Variants in CKAP5 observed in about 807,000 individuals in gnomAD.
The protein encoded by CKAP5 is cytoskeleton-associated protein 5.
CKAP5 carries 27 observed loss-of-function variants against 232.8 expected under a neutral mutation model. That is an observed-to-expected ratio of 0.12 (90% CI 0.09 to 0.16). CKAP5 has a LOEUF of 0.16. Among genes scored for constraint, CKAP5 ranks in the 10% least tolerant of loss-of-function variants. The pLI, the probability that CKAP5 is intolerant of heterozygous loss-of-function variation, is 1.00. For synonymous variants in CKAP5, 785 were observed against 841.1 expected (o/e 0.93, Z 1.16); for missense variants, 1,838 against 2,424.7 (o/e 0.76, Z 5.08).
chr11:46,800,803 T>G (rs972884697), intron 9 of CKAP5, among the ~76,000 whole-genome samples: 83 of 152,234 alleles, frequency 5.5e-4, no homozygotes, highest in African/African-American at 1.7e-3. Context: ...CTCACAGTTT[T>G]ACATTTATAG....
intron 1 of CKAP5, among the ~76,000 whole-genome samples, chr11:46,843,892 C>A (rs116844355): frequency 6.6e-6 from 1 of 151,982 alleles, no homozygotes. Context: ...AAAACAAAAC[C>A]TGTTGATAAA....
At chr11:46,791,448 G>T (rs1039894206) in intron 13 of CKAP5, among the ~76,000 whole-genome samples, 5 of 151,898 alleles carry the variant, frequency 3.3e-5, no homozygotes, top group Admixed American at 2.6e-4. Flanking sequence ...GGAGGCTAAG[G>T]ATCCCTTGAG....
intron 4 of CKAP5, among the ~76,000 whole-genome samples, chr11:46,815,605 T>C (rs1215438541): frequency 6.6e-6 from 1 of 152,230 alleles, no homozygotes; most frequent in African/African-American, 2.4e-5. Context: ...CTGAAAAGCC[T>C]AATTCTTAAT....
In CKAP5 at chr11:46,795,756, C is replaced by T; in HGVS notation, c.1488G>A (p.Lys496=). The T allele has an allele frequency of 6.2e-7, 1 of 1,613,306 alleles. No individual in the cohort carries two copies. Among genetic ancestry groups the T allele is most frequent in the Non-Finnish European group, 8.5e-7 (1 of 1,179,768 alleles). Residue 496 remains lysine, a synonymous_variant, in exon 13 of 44, where the codon AAG becomes AAA. Transcript: ENST00000529230. ...KLDKIKECSE[K]VELIHGKKAG... ...CTTTCTTACCATGTATCAGTTCTAC[C>T]TTTTCTGAACATTCTTTGATCTGGA... is the stretch of plus-strand genomic sequence containing the variant.
At chr11:46,802,557 G>GACACACACACACACAC (rs1254439046) in intron 8 of CKAP5, among the ~76,000 whole-genome samples, 46 of 147,532 alleles carry the variant, frequency 3.1e-4, no homozygotes, top group African/African-American at 1.0e-3. Flanking sequence ...CAGACAGACA[G>GACACACACACACACAC]ACACACACAC....
At chr11:46,800,827 T>C (rs549893243) in intron 9 of CKAP5, among the ~76,000 whole-genome samples, 1 of 152,220 alleles carries the variant, frequency 6.6e-6, no homozygotes, top group Non-Finnish European at 1.5e-5. Flanking sequence ...TACATTGCCT[T>C]TCCGACTCTC....
intron 1 of CKAP5, among the ~76,000 whole-genome samples, chr11:46,823,645 T>C (rs1430314960): frequency 6.6e-6 from 1 of 152,080 alleles, no homozygotes; most frequent in African/African-American, 2.4e-5. Context: ...TGGAGTGCAG[T>C]GGTGTGATCA....
intron 22 of CKAP5, 84 bp from the exon 23 acceptor site, chr11:46,777,636 A>G (rs559152833): frequency 9.7e-6 from 8 of 826,112 alleles, no homozygotes; most frequent in South Asian, 1.5e-5. Context: ...TATACTGTCA[A>G]TACAGCAGGA....
chr11:46,811,313 C>A, intron 4 of CKAP5, 135 bp from the exon 5 acceptor site: 2 of 707,256 alleles, frequency 2.8e-6, no homozygotes, highest in Non-Finnish European at 4.4e-6. Context: ...TTTAAGGCAA[C>A]AAAAGAAAAG....
At chr11:46,748,049 G>C (rs1423622116) in intron 42 of CKAP5, among the ~76,000 whole-genome samples, 1 of 152,042 alleles carries the variant, frequency 6.6e-6, no homozygotes, top group Non-Finnish European at 1.5e-5. Flanking sequence ...GACTCTAAAA[G>C]AAACAAGGGG....
intron 1 of CKAP5, among the ~76,000 whole-genome samples, chr11:46,823,026 T>A (rs1028563644): frequency 2.6e-5 from 4 of 152,034 alleles, no homozygotes; most frequent in Admixed American, 2.0e-4. Flanking sequence ...ATGAACACGA[T>A]CTTGGCTCGC....
intron 3 of CKAP5, among the ~76,000 whole-genome samples, chr11:46,817,647 T>C (rs1163167503): frequency 6.6e-6 from 1 of 152,212 alleles, no homozygotes; most frequent in Non-Finnish European, 1.5e-5. Flanking sequence ...TATATATTTC[T>C]TGTGCAATTA....
At chr11:46,765,355 A>G (rs2134596644) in intron 27 of CKAP5, 99 bp from the exon 28 acceptor site, 1 of 1,024,548 alleles carries the variant, frequency 9.8e-7, no homozygotes, top group Non-Finnish European at 1.4e-6. Flanking sequence ...AAACAGAGAT[A>G]TCTTTCTACG....
At chr11:46,785,245 T>C (rs2065380713) in intron 16 of CKAP5, among the ~76,000 whole-genome samples, 2 of 152,332 alleles carry the variant, frequency 1.3e-5, no homozygotes, top group South Asian at 4.1e-4. Flanking sequence ...TTTTTCTTTG[T>C]ACTGTGTGAA....
rs749141121 is a variant in CKAP5, at chr11:46,795,498, A to G, written c.1650+96T>C. 9.9e-5 allele frequency: 97 copies of G among 978,540 alleles called. No individual in the cohort carries two copies. In the Admixed American group the frequency reaches 2.6e-3, roughly 26 times the overall value. The allele number at this position is 978,540 out of a possible 1,614,324, so 60.6% of individuals were successfully genotyped here. The stretch of plus-strand genomic sequence containing the variant: ...GCTGTATTTTTAATGTGGCCAATGA[A>G]TTCATTTCTCAAACAAAATAATTTT... On this transcript the variant is annotated intron_variant, in intron 13 of 43. Transcript: ENST00000529230.
rs7928445 is a variant in CKAP5 at position 46,763,147 on chromosome 11, A to C, written c.3720T>G (p.Gly1240=). 0.094 allele frequency: 151,499 copies of C among 1,611,942 alleles called. 9,954 individuals are homozygous for C. Among genetic ancestry groups the C allele is most frequent in the African/African-American group, 0.33 (24,575 of 74,836 alleles). The change falls in exon 30 of 44, where the codon GGT becomes GGG. Residue 1240 remains glycine (G), a synonymous_variant. Transcript: ENST00000529230. ...GCCACTTTAAGATAAGATCCAGGCAACCAATAACTCCTTCTTTTTCACTCT... is the reference window on the plus strand; with the variant it reads ...GCCACTTTAAGATAAGATCCAGGCACCCAATAACTCCTTCTTTTTCACTCT... ...HLESEKEGVI[G]CLDLILKWLT... is the part of the protein sequence containing the mutation.
rs775821635 is a variant in CKAP5 at position 46,762,015 on chromosome 11, G to C, written c.4206C>G (p.Phe1402Leu). The C allele has an allele frequency of 6.2e-7, 1 of 1,611,820 alleles. No homozygotes were observed. The highest frequency in any genetic ancestry group is 8.5e-7 in the Non-Finnish European group (1 of 1,178,722). ...TVYNVHGDQV[F>L]KLIGNLSEKD... ...AGTCACTCACATTTCCAATCAGTTT[G>C]AACACCTGATCCCCATGTACATTGT... The change falls in exon 32 of 44, where the codon TTC becomes TTG. Residue 1402 changes from phenylalanine to leucine, a missense_variant. By Grantham distance (22) the Phe-to-Leu change is conservative. Coordinates refer to ENST00000529230, the MANE Select transcript of CKAP5 (RefSeq NM_001008938.4).
intron 20 of CKAP5, among the ~76,000 whole-genome samples, chr11:46,779,465 G>A (rs2065320249): frequency 6.6e-6 from 1 of 151,290 alleles, no homozygotes; most frequent in Non-Finnish European, 1.5e-5. Flanking sequence ...CTCTTCCATG[G>A]ATACTTTATT....
intron 16 of CKAP5, among the ~76,000 whole-genome samples, chr11:46,785,992 T>C (rs2065389147): frequency 6.6e-6 from 1 of 151,530 alleles, no homozygotes; most frequent in African/African-American, 2.4e-5. Flanking sequence ...AAATAAAAAT[T>C]TAAAAAATTA....
Sources: allele counts gnomAD v4.1 joint callset (sites outside exome capture counted in the v4.1 genomes callset), GRCh38; gene constraint gnomAD v4.1.1; transcripts MANE v1.5; gene names NCBI Gene and HGNC (gene_info 2026-07-23, HGNC 2026-07-21).